RBM23: variants seen among roughly 807,000 people sequenced by gnomAD.
RBM23 encodes the protein RNA binding motif protein 23.
RBM23 carries 53 observed loss-of-function variants against 56.2 expected under a neutral mutation model. That is an observed-to-expected ratio of 0.94 (90% CI 0.76 to 1.19). RBM23 has a LOEUF of 1.19. Among genes scored for constraint, RBM23 ranks in the 50% most tolerant of loss-of-function variants. RBM23 has a pLI of 0.00. For synonymous variants in RBM23, 197 were observed against 198.5 expected (o/e 0.99, Z 0.06); for missense variants, 642 against 590.3 (o/e 1.09, Z -0.91).
chr14:22,918,433 G>T (rs1433829736), intron 1 of RBM23, among the ~76,000 whole-genome samples: 1 of 151,952 alleles, frequency 6.6e-6, no homozygotes, highest in Non-Finnish European at 1.5e-5. Flanking sequence ...CAACCAACTG[G>T]CACAATCTCT....
chr14:22,918,936 C>G (rs965789207), intron 1 of RBM23, 63 bp downstream of exon 1: 1 of 152,134 alleles, frequency 6.6e-6, no homozygotes, highest in Non-Finnish European at 1.5e-5. Context: ...AGGGGGGAGG[C>G]GCCGTGCAGC....
chr14:22,905,725 G>A, intron 5 of RBM23, 66 bp from the exon 6 acceptor site: 1 of 1,278,350 alleles, frequency 7.8e-7, no homozygotes, highest in African/African-American at 1.5e-5. Flanking sequence ...GGTCTTCCAT[G>A]GTGAGAAAAC....
Position 22,895,710 on chromosome 14 carries a change from G to A in RBM23, c.*6020C>T, listed in dbSNP as rs1488365934. ...GGATCATTTGAGCTCAGGAGGTTGA[G>A]ACTGCAGTGAGCTGTGATGGCACCA... On this transcript the variant is annotated 3_prime_UTR_variant, in exon 14 of 14. Coordinates refer to ENST00000359890, the MANE Select transcript of RBM23 (RefSeq NM_001077351.2). 1 of 152,288 alleles carries A rather than the reference G, an allele frequency of 6.6e-6. No individual in the cohort carries two copies. Among genetic ancestry groups the A allele is most frequent in the Non-Finnish European group, 1.5e-5 (1 of 68,108 alleles). The allele number at this position is 152,288 out of a possible 1,614,324, so 9.4% of individuals were successfully genotyped here. A position where few individuals can be genotyped will look rare whatever the true frequency, so the allele number is the denominator to read the frequency against.
At chr14:22,917,729 C>T (rs971557090) in intron 1 of RBM23, 1 of 152,134 alleles carries the variant, frequency 6.6e-6, no homozygotes, top group Non-Finnish European at 1.5e-5. Flanking sequence ...AGTTTTCAAA[C>T]GCTCTCTTCA....
At chr14:22,912,825 C>A (rs1454802331) in intron 1 of RBM23, among the ~76,000 whole-genome samples, 1 of 151,280 alleles carries the variant, frequency 6.6e-6, no homozygotes, top group African/African-American at 2.4e-5. Flanking sequence ...CATGGTGAAA[C>A]CCCGTCTCTA....
In RBM23 at chr14:22,900,749, CAAG is replaced by C. The variant is rs1566510937; in HGVS notation, c.*978_*980del. 3 of 151,954 alleles carry C rather than the reference CAAG, an allele frequency of 2.0e-5. No individual in the cohort carries two copies. The highest frequency in any genetic ancestry group is 4.8e-5 in the African/African-American group (2 of 41,320). 9.4% of individuals were successfully genotyped at this position (151,954 alleles called of 1,614,324 possible). A position where few individuals can be genotyped will look rare whatever the true frequency, so the allele number is the denominator to read the frequency against. On this transcript the variant is annotated 3_prime_UTR_variant, in exon 14 of 14. Coordinates refer to ENST00000359890, the MANE Select transcript of RBM23 (RefSeq NM_001077351.2). ...ACACACAAATGGGCAACAGCTGCCA[CAAG>C]GAGGAGGCTTGCCTTTTGTACAAAG...
rs1194554211 is a variant in RBM23 at position 22,893,602 on chromosome 14, A to G, written c.*8128T>C. 6 of 152,246 alleles carry G rather than the reference A, an allele frequency of 3.9e-5. No individual in the cohort carries two copies. Among genetic ancestry groups the G allele is most frequent in the Non-Finnish European group, 7.3e-5 (5 of 68,048 alleles). The allele number at this position is 152,246 out of a possible 1,614,324, so 9.4% of individuals were successfully genotyped here. On this transcript the variant is annotated 3_prime_UTR_variant, in exon 14 of 14. Transcript: ENST00000359890. ...GCCTTAAAGGATATGTAGGCTATAG[A>G]TAGTTGAGAGAAAGAAGGAAAAGCA...
chr14:22,900,597 G>T lies in RBM23; in HGVS notation c.*1133C>A, dbSNP rs1161432722. ...TACAGAATGGGAACCCCACCCAGGT[G>T]TGAGTTTTCATTTTTCTTTCTAAAG... On this transcript the variant is annotated 3_prime_UTR_variant, in exon 14 of 14. Transcript: ENST00000359890. 2 of 152,112 alleles carry T rather than the reference G, an allele frequency of 1.3e-5. No homozygotes were observed. Among genetic ancestry groups the T allele is most frequent in the Non-Finnish European group, 2.9e-5 (2 of 68,022 alleles). The allele number at this position is 152,112 out of a possible 1,614,324, so 9.4% of individuals were successfully genotyped here.
In RBM23 at chr14:22,911,322, T is replaced by C. The variant is rs1243501124; in HGVS notation, c.66+6A>G. 6.2e-7 allele frequency: 1 copy of C among 1,613,070 alleles called. No homozygotes were observed. The highest frequency in any genetic ancestry group is 8.5e-7 in the Non-Finnish European group (1 of 1,179,302). ...CCAATTCCAGGAGTGAGGTGGAAAA[T>C]ATTACCTCTTCTTTTTTATAGGGAG... On this transcript the variant is annotated splice_donor_region_variant and intron_variant, in intron 2 of 13. Coordinates refer to ENST00000359890, the MANE Select transcript of RBM23 (RefSeq NM_001077351.2).
Position 22,906,377 on chromosome 14 carries a change from G to T in RBM23, c.228-9C>A, listed in dbSNP as rs748043883. 2.2e-5 allele frequency: 35 copies of T among 1,613,638 alleles called. No individual in the cohort carries two copies. In the Admixed American group the frequency reaches 4.0e-4, roughly 18 times the overall value. On this transcript the variant is annotated splice_polypyrimidine_tract_variant and intron_variant, in intron 4 of 13. Transcript: ENST00000359890. ...CCCGATCTCGACTACGACTACAGAGGGAAACAACTACAGTCATGCCCACAT... is the reference window on the plus strand; with the variant it reads ...CCCGATCTCGACTACGACTACAGAGTGAAACAACTACAGTCATGCCCACAT...
At chr14:22,904,841 A>G (rs992064501) in intron 9 of RBM23, 34 bp downstream of exon 9, 1 of 1,612,306 alleles carries the variant, frequency 6.2e-7, no homozygotes, top group African/African-American at 1.3e-5. Flanking sequence ...ACTTCTTCCA[A>G]TTCCCTTCAG....
At chr14:22,906,813 C>A (rs1190699152) in intron 4 of RBM23, among the ~76,000 whole-genome samples, 1 of 151,342 alleles carries the variant, frequency 6.6e-6, no homozygotes, top group Non-Finnish European at 1.5e-5. Context: ...CCAAGGCGGG[C>A]AGATCACCTG....
chr14:22,901,787 T>C (rs568354556), intron 13 of RBM23, 27 bp downstream of exon 13: 4 of 1,613,892 alleles, frequency 2.5e-6, no homozygotes, highest in Middle Eastern at 1.6e-4. Context: ...AATCAAAGGC[T>C]AGAATGAGCT....
chr14:22,907,447 A>T (rs1307384591), intron 4 of RBM23, among the ~76,000 whole-genome samples: 1 of 152,220 alleles, frequency 6.6e-6, no homozygotes, highest in Non-Finnish European at 1.5e-5. Flanking sequence ...GTAGAGAATA[A>T]TTTGAATGTT....
rs765431538 is a variant in RBM23 at position 22,908,292 on chromosome 14, T to A, written c.227+41A>T. ...CGCCTTGGCTTCCAAAGTGCTAGGA[T>A]TAAAGATACGAGCCACTGTGCCTGG... On this transcript the variant is annotated intron_variant, in intron 4 of 13. Transcript: ENST00000359890. The A allele has an allele frequency of 8.4e-6, 13 of 1,546,262 alleles. 1 individual carries two copies. In the South Asian group the frequency reaches 1.6e-4, roughly 18 times the overall value.
chr14:22,903,183 C>T (rs2040918801), intron 10 of RBM23: 18 of 985,446 alleles, frequency 1.8e-5, no homozygotes, highest in Non-Finnish European at 2.2e-5. Context: ...CCCCCACATA[C>T]ACACAAGAGC....
intron 4 of RBM23, among the ~76,000 whole-genome samples, chr14:22,906,765 G>A (rs573207967): frequency 7.2e-5 from 11 of 152,302 alleles, no homozygotes; most frequent in South Asian, 2.1e-4. Flanking sequence ...AGGGCTGGGC[G>A]CGGTGGCTCA....
chr14:22,902,159 T>C (rs772499703), intron 11 of RBM23, 28 bp downstream of exon 11: 30 of 1,610,368 alleles, frequency 1.9e-5, no homozygotes, highest in African/African-American at 2.7e-5. Context: ...TTCAACCCCA[T>C]AATCTTCACC....
chr14:22,902,304 C>T lies in RBM23; in HGVS notation c.1009G>A (p.Gly337Ser). The T allele has an allele frequency of 6.2e-7, 1 of 1,614,132 alleles. No homozygotes were observed. Residue 337 changes from glycine (G) to serine (S), a missense_variant, in exon 11 of 14, where the codon GGC becomes AGC. Physicochemically the swap from Gly to Ser is moderately conservative, Grantham distance 56 (BLOSUM62 0). Coordinates refer to ENST00000359890, the MANE Select transcript of RBM23 (RefSeq NM_001077351.2). Reference sequence around the variant, plus strand: ...CCATCCAGTCGCTCAGTCACATGGCCAACCCTCATAGGTCGACCAGCAAGC... The same window carrying T: ...CCATCCAGTCGCTCAGTCACATGGCTAACCCTCATAGGTCGACCAGCAAGC... ...FELAGRPMRV[G>S]HVTERLDGGT... is the part of the protein sequence containing the mutation.
Sources: allele counts gnomAD v4.1 joint callset (sites outside exome capture counted in the v4.1 genomes callset), GRCh38; gene constraint gnomAD v4.1.1; transcripts MANE v1.5; gene names NCBI Gene and HGNC (gene_info 2026-07-23, HGNC 2026-07-21).